Variants in ETFA observed in about 807,000 individuals in gnomAD.
The protein encoded by ETFA is electron transfer flavoprotein subunit alpha, also known as electron transfer flavoprotein subunit alpha, mitochondrial.
A neutral mutation model predicts 46.2 loss-of-function variants in ETFA; 22 were observed. The observed-to-expected ratio is 0.48, with a 90% CI of 0.34 to 0.68. The LOEUF (loss-of-function observed/expected upper bound fraction) is 0.68, where lower values mean the gene tolerates loss of function less well. Among genes scored for constraint, ETFA ranks in the 30% least tolerant of loss-of-function variants. The pLI is 0.01. For missense variants in ETFA, 345 were observed against 401.1 expected (o/e 0.86, Z 1.19); for synonymous variants, 131 against 139.9 (o/e 0.94, Z 0.45).
intron 1 of ETFA, 56 bp from the exon 2 acceptor site, chr15:76,295,793 T>G (rs955338056): frequency 1.8e-5 from 26 of 1,471,232 alleles, no homozygotes; most frequent in African/African-American, 1.7e-4. Flanking sequence ...AGGGTTTTTT[T>G]TTTTTTTTTT....
At chr15:76,268,610 C>T (rs1312657623) in intron 9 of ETFA, among the ~76,000 whole-genome samples, 1 of 152,156 alleles carries the variant, frequency 6.6e-6, no homozygotes, top group Admixed American at 6.5e-5. Context: ...ACAAGAGACC[C>T]TAACAGGTAG....
intron 9 of ETFA, among the ~76,000 whole-genome samples, chr15:76,235,084 G>A (rs1052802837): frequency 2.6e-5 from 4 of 152,064 alleles, no homozygotes; most frequent in African/African-American, 9.7e-5. Context: ...CATGACCATG[G>A]GCCATTCATG....
chr15:76,308,071 G>A (rs2039954719), intron 1 of ETFA, among the ~76,000 whole-genome samples: 1 of 152,016 alleles, frequency 6.6e-6, no homozygotes, highest in African/African-American at 2.4e-5. Context: ...GACAACTTCA[G>A]CATAAGGTAG....
intron 9 of ETFA, among the ~76,000 whole-genome samples, chr15:76,241,446 G>A (rs1409508194): frequency 6.6e-6 from 1 of 151,976 alleles, no homozygotes; most frequent in Non-Finnish European, 1.5e-5. Context: ...TGAAGCTGCA[G>A]TGAGATGTGA....
rs964900642 is a variant in ETFA at position 76,271,909 on chromosome 15, G to GTA, written c.816+2501_816+2502dup. Among the ~76,000 whole-genome samples the GTA allele has an allele frequency of 7.1e-3, 883 of 124,654 alleles. 15 individuals are homozygous for GTA. The highest frequency in any genetic ancestry group is 0.028 in the African/African-American group (801 of 29,122). The allele number at this position is 124,654 out of a possible 152,430, so 81.8% of individuals were successfully genotyped here. A position where few individuals can be genotyped will look rare whatever the true frequency, so the allele number is the denominator to read the frequency against. On this transcript the variant is annotated intron_variant, in intron 9 of 11. Coordinates refer to ENST00000557943, the MANE Select transcript of ETFA (RefSeq NM_000126.4). ...TGCACATATATGCGTATATGTGTGTGTATATACACACACACACACACACAC... is the reference window on the plus strand; with the variant it reads ...TGCACATATATGCGTATATGTGTGTGTATATATACACACACACACACACACAC...
intron 3 of ETFA, 24 bp downstream of exon 3, chr15:76,292,594 AT>A: frequency 6.2e-7 from 1 of 1,602,026 alleles, no homozygotes; most frequent in Non-Finnish European, 8.6e-7. Context: ...TAGACACTAC[AT>A]TTTTTTCTAC....
intron 9 of ETFA, among the ~76,000 whole-genome samples, chr15:76,241,442 T>G (rs773991369): frequency 2.0e-5 from 3 of 151,808 alleles, no homozygotes; most frequent in South Asian, 4.2e-4. Flanking sequence ...AGGTTGAAGC[T>G]GCAGTGAGAT....
At chr15:76,264,162 G>A (rs111920517) in intron 9 of ETFA, among the ~76,000 whole-genome samples, 95 of 152,286 alleles carry the variant, frequency 6.2e-4, no homozygotes, top group African/African-American at 1.6e-3. Context: ...AATATGAACC[G>A]AACTCTCCTT....
intron 9 of ETFA, among the ~76,000 whole-genome samples, chr15:76,256,193 G>A (rs2039343905): frequency 1.3e-5 from 2 of 150,560 alleles, no homozygotes; most frequent in South Asian, 4.2e-4. Flanking sequence ...GGGAGGTGGA[G>A]GTTGCAGTGA....
At chr15:76,311,286 C>A (rs1159323940) in intron 1 of ETFA, 64 bp downstream of exon 1, 29 of 1,526,996 alleles carry the variant, frequency 1.9e-5, no homozygotes, top group Non-Finnish European at 2.5e-5. Flanking sequence ...CTTTGCAAGA[C>A]CCCATAGGGA....
intron 1 of ETFA, among the ~76,000 whole-genome samples, chr15:76,299,212 A>T (rs1378929107): frequency 6.6e-6 from 1 of 152,194 alleles, no homozygotes; most frequent in Non-Finnish European, 1.5e-5. Flanking sequence ...CTGTCTAGCA[A>T]TGCTACCACA....
intron 2 of ETFA, 124 bp downstream of exon 2, chr15:76,295,467 G>A: frequency 1.2e-6 from 1 of 824,084 alleles, no homozygotes; most frequent in African/African-American, 1.7e-5. Flanking sequence ...TTGTGACACT[G>A]ACCATTTAAT....
intron 9 of ETFA, among the ~76,000 whole-genome samples, chr15:76,249,242 C>G (rs2039272693): frequency 6.6e-6 from 1 of 151,178 alleles, no homozygotes; most frequent in Non-Finnish European, 1.5e-5. Flanking sequence ...GATTCTCCTG[C>G]CTTAGCCTCC....
At chr15:76,235,824 T>G (rs2039116907) in intron 9 of ETFA, among the ~76,000 whole-genome samples, 2 of 152,206 alleles carry the variant, frequency 1.3e-5, no homozygotes, top group African/African-American at 4.8e-5. Context: ...GGACAATATC[T>G]TTACCTTCTG....
intron 5 of ETFA, among the ~76,000 whole-genome samples, chr15:76,286,833 A>G (rs947502577): frequency 1.3e-5 from 2 of 152,216 alleles, no homozygotes; most frequent in African/African-American, 4.8e-5. Context: ...TATGAGCTGC[A>G]ACAACTTAGG....
chr15:76,226,243 AG>A lies in ETFA; in HGVS notation c.883-315del, dbSNP rs1844735584. ...GTAACAAATCTATACCCAAATCCAC[AG>A]CCTTTGTAGTGCAAATTATTTTGTC... On this transcript the variant is annotated intron_variant, in intron 10 of 11. Transcript: ENST00000557943. 21 of 273,868 alleles carry A rather than the reference AG, an allele frequency of 7.7e-5. No individual in the cohort carries two copies. The South Asian group carries it at 9.6e-4, about 13-fold the overall frequency. 17.0% of individuals were successfully genotyped at this position (273,868 alleles called of 1,614,324 possible). A position where few individuals can be genotyped will look rare whatever the true frequency, so the allele number is the denominator to read the frequency against.
intron 8 of ETFA, among the ~76,000 whole-genome samples, chr15:76,277,027 G>A (rs2039599826): frequency 2.0e-5 from 3 of 152,202 alleles, no homozygotes; most frequent in Non-Finnish European, 4.4e-5. Flanking sequence ...ACGGGTAAAA[G>A]GAAGTGCTGT....
At chr15:76,298,717 T>C (rs762777096) in intron 1 of ETFA, among the ~76,000 whole-genome samples, 10 of 152,174 alleles carry the variant, frequency 6.6e-5, no homozygotes, top group Admixed American at 2.6e-4. Flanking sequence ...ACCACCATTT[T>C]TAGCTGTTTT....
chr15:76,310,068 CAAAAAAAAAAAAAA>C lies in ETFA; in HGVS notation c.39+1268_39+1281del, dbSNP rs71143312. 6 of 71,932 alleles carry C rather than the reference CAAAAAAAAAAAAAA, an allele frequency of 8.3e-5. No individual in the cohort carries two copies. In the South Asian group the frequency reaches 1.3e-3, roughly 15 times the overall value. The allele number at this position is 71,932 out of a possible 1,614,324, so 4.5% of individuals were successfully genotyped here. A position where few individuals can be genotyped will look rare whatever the true frequency, so the allele number is the denominator to read the frequency against. The stretch of plus-strand genomic sequence containing the variant: ...GTAACATGGGGAAACCCCGTCTCTA[CAAAAAAAAAAAAAA>C]AAAAAAAAAAAAAATTAGCCAGGCG... On this transcript the variant is annotated intron_variant, in intron 1 of 11. Transcript: ENST00000557943.
Sources: allele counts gnomAD v4.1 joint callset (sites outside exome capture counted in the v4.1 genomes callset), GRCh38; gene constraint gnomAD v4.1.1; transcripts MANE v1.5; gene names NCBI Gene and HGNC (gene_info 2026-07-23, HGNC 2026-07-21).